The following RSRP1 variants were observed in gnomAD, a reference collection of about 807,000 sequenced individuals.
RSRP1 encodes the protein arginine and serine rich protein 1.
RSRP1 carries 37 observed loss-of-function variants against 33.0 expected under a neutral mutation model. The ratio of observed to expected loss-of-function variants is 1.12; its 90% CI spans 0.86 to 1.48. RSRP1 has a LOEUF of 1.48. Among genes scored for constraint, RSRP1 ranks in the 40% most tolerant of loss-of-function variants. The pLI is 0.00. For missense variants in RSRP1, 402 were observed against 385.3 expected, an observed-to-expected ratio of 1.04 and a Z score of -0.36; for synonymous variants, 167 against 158.7, an observed-to-expected ratio of 1.05 and a Z score of -0.40.
rs536307509 is a variant in RSRP1, at chr1:25,265,438, C to T, written c.-66-18409G>A. 1.0e-3 allele frequency among the ~76,000 whole-genome samples: 103 copies of T among 98,824 alleles called. 11 individuals carry two copies. Among genetic ancestry groups the T allele is most frequent in the African/African-American group, 3.3e-3 (95 of 28,696 alleles). 64.8% of individuals were successfully genotyped at this position (98,824 alleles called of 152,430 possible). A position where few individuals can be genotyped will look rare whatever the true frequency, so the allele number is the denominator to read the frequency against. Reference sequence around the variant, plus strand: ...TGCACATGCATGTGTATGTGTTTTACGATAGTAGGCCCAACAGATACTGTA... The same window carrying T: ...TGCACATGCATGTGTATGTGTTTTATGATAGTAGGCCCAACAGATACTGTA... On this transcript the variant is annotated intron_variant, in intron 1 of 1. Coordinates refer to the RSRP1 transcript ENST00000561867.
chr1:25,285,727 G>C lies in RSRP1; in HGVS notation c.-66-38698C>G, dbSNP rs910719788. ...CATCAAGCTATACACGTTTTAAAAGGGCATTGGCACTTAATAGGAGGAAGT... is the reference window on the plus strand; with the variant it reads ...CATCAAGCTATACACGTTTTAAAAGCGCATTGGCACTTAATAGGAGGAAGT... On this transcript the variant is annotated intron_variant, in intron 1 of 1. Coordinates refer to the RSRP1 transcript ENST00000561867. Among the ~76,000 whole-genome samples the C allele has an allele frequency of 4.4e-5, 6 of 135,100 alleles. 1 individual carries two copies. The highest frequency in any genetic ancestry group is 1.5e-4 in the African/African-American group (6 of 39,052). 88.6% of individuals were successfully genotyped at this position (135,100 alleles called of 152,430 possible).
Position 25,285,095 on chromosome 1 carries a change from CAGAG to C in RSRP1, c.-66-38070_-66-38067del, listed in dbSNP as rs1368609866. Among the ~76,000 whole-genome samples, 21 of 132,336 alleles carry C rather than the reference CAGAG, an allele frequency of 1.6e-4. 6 individuals carry two copies. Among genetic ancestry groups the C allele is most frequent in the Admixed American group, 4.4e-4 (6 of 13,770 alleles). 86.8% of individuals were successfully genotyped at this position (132,336 alleles called of 152,430 possible). A position where few individuals can be genotyped will look rare whatever the true frequency, so the allele number is the denominator to read the frequency against. Reference sequence around the variant, plus strand: ...AAACGTAAGAAGGAAACACGTTAGACAGAGAGAAATAGACATGCCACACCTAGAG... The same window carrying C: ...AAACGTAAGAAGGAAACACGTTAGACAGAAATAGACATGCCACACCTAGAG... On this transcript the variant is annotated intron_variant, in intron 1 of 1. Coordinates refer to the RSRP1 transcript ENST00000561867.
chr1:25,251,885 CAT>C (rs948928828), upstream of RSRP1, among the ~76,000 whole-genome samples: 1 of 151,252 alleles, frequency 6.6e-6, no homozygotes, highest in Non-Finnish European at 1.5e-5. Context: ...AATATACCCA[CAT>C]ATAGATTTTT....
chr1:25,272,561 A>C (rs1571556644), intron 1 of RSRP1: 1 of 1,581,358 alleles, frequency 6.3e-7, no homozygotes, highest in Non-Finnish European at 8.6e-7. Flanking sequence ...AGCTCTAAGT[A>C]CCCGCGGTCT....
At chr1:25,323,455 A>G (rs201200089) in intron 1 of RSRP1, among the ~76,000 whole-genome samples, 1,832 of 112,016 alleles carry the variant, frequency 0.016, 89 homozygotes, top group South Asian at 0.028. Context: ...TAAGGTTTGC[A>G]TTTTCTGTAA....
At position 25,304,997 on chromosome 1, in the gene RSRP1, A is replaced by G. The variant is rs1362345530; in HGVS notation, c.-67+32981T>C. 4.5e-5 allele frequency among the ~76,000 whole-genome samples: 6 copies of G among 132,292 alleles called. 1 individual carries two copies. The highest frequency in any genetic ancestry group is 1.6e-4 in the African/African-American group (6 of 38,362). 86.8% of individuals were successfully genotyped at this position (132,292 alleles called of 152,430 possible). On this transcript the variant is annotated intron_variant, in intron 1 of 1. Coordinates refer to the RSRP1 transcript ENST00000561867. The stretch of plus-strand genomic sequence containing the variant: ...CATTCATCATTCCTTCATTCAACAC[A>G]TACGTTTTAACACTCATCTTGCTTT...
At chr1:25,250,833 A>T (rs1571528442), upstream of RSRP1, among the ~76,000 whole-genome samples, 3 of 151,994 alleles carry the variant, frequency 2.0e-5, no homozygotes, top group South Asian at 6.2e-4. Context: ...ACTTGGTGAA[A>T]CCCCATCTCT....
chr1:25,261,090 G>A (rs540098370), intron 1 of RSRP1, among the ~76,000 whole-genome samples: 3 of 152,060 alleles, frequency 2.0e-5, no homozygotes, highest in South Asian at 2.1e-4. Flanking sequence ...GTGAGCCACC[G>A]CACCCGGCCT....
chr1:25,286,793 AAAAAC>A (rs1295553262), intron 1 of RSRP1, among the ~76,000 whole-genome samples: 1 of 132,100 alleles, frequency 7.6e-6, no homozygotes, highest in East Asian at 1.9e-4. Context: ...CTCAAAAAAA[AAAAAC>A]AAAAACAGTT....
At chr1:25,261,317 C>T (rs890914744) in intron 1 of RSRP1, among the ~76,000 whole-genome samples, 53 of 152,124 alleles carry the variant, frequency 3.5e-4, no homozygotes, top group African/African-American at 1.2e-3. Context: ...TGATTACTGT[C>T]CTTATGCATA....
In RSRP1 at chr1:25,274,498, C is replaced by T. The variant is rs377380848; in HGVS notation, c.-66-27469G>A. 3.1e-4 allele frequency among the ~76,000 whole-genome samples: 41 copies of T among 132,562 alleles called. 6 individuals are homozygous for T. The highest frequency in any genetic ancestry group is 7.7e-4 in the African/African-American group (30 of 38,952). The allele number at this position is 132,562 out of a possible 152,430, so 87.0% of individuals were successfully genotyped here. On this transcript the variant is annotated intron_variant, in intron 1 of 1. Transcript: ENST00000561867. ...AATGTCCTCAGAAACTCACTTTATA[C>T]GGAAGCTCAGAGGAGGGTCCACAAC...
chr1:25,309,304 TCA>T (rs1644017712), intron 1 of RSRP1, among the ~76,000 whole-genome samples: 1 of 131,502 alleles, frequency 7.6e-6, no homozygotes, highest in African/African-American at 2.6e-5. Flanking sequence ...TTTTCAATTC[TCA>T]GTCCTTTGAT....
At chr1:25,313,884 T>C (rs1222877511) in intron 1 of RSRP1, among the ~76,000 whole-genome samples, 1 of 133,080 alleles carries the variant, frequency 7.5e-6, no homozygotes, top group Admixed American at 7.3e-5. Context: ...GGCCCTGTCA[T>C]AAATGAATGC....
chr1:25,301,582 G>A lies in RSRP1; in HGVS notation c.-67+36396C>T, dbSNP rs1053359. On this transcript the variant is annotated intron_variant, in intron 1 of 1. Transcript: ENST00000561867. ...CTCTGCTCTGCTGAGAAGTCCAATCGAAAGGAAGAATGCCGTGTTCAACAC... is the reference window on the plus strand; with the variant it reads ...CTCTGCTCTGCTGAGAAGTCCAATCAAAAGGAAGAATGCCGTGTTCAACAC... The A allele has an allele frequency of 5.7e-5, 78 of 1,379,404 alleles. 15 individuals are homozygous for A. In the African/African-American group the frequency reaches 9.4e-4, roughly 17 times the overall value. 85.4% of individuals were successfully genotyped at this position (1,379,404 alleles called of 1,614,324 possible). A position where few individuals can be genotyped will look rare whatever the true frequency, so the allele number is the denominator to read the frequency against.
At chr1:25,258,520 C>G (rs1414346012) in intron 1 of RSRP1, among the ~76,000 whole-genome samples, 1 of 152,098 alleles carries the variant, frequency 6.6e-6, no homozygotes, top group Non-Finnish European at 1.5e-5. Flanking sequence ...TTTTGGAAGA[C>G]CCTGTCATTG....
At chr1:25,270,073 A>C (rs1259663058) in intron 1 of RSRP1, among the ~76,000 whole-genome samples, 1 of 131,832 alleles carries the variant, frequency 7.6e-6, no homozygotes, top group Non-Finnish European at 1.8e-5. Flanking sequence ...GGTCACATCC[A>C]TTTATCCCAC....
At chr1:25,259,973 C>T (rs1222609977) in intron 1 of RSRP1, among the ~76,000 whole-genome samples, 4 of 151,958 alleles carry the variant, frequency 2.6e-5, no homozygotes, top group South Asian at 4.2e-4. Flanking sequence ...AAGGCTGATA[C>T]GACAGCTCTC....
chr1:25,337,746 C>CT (rs1334588328), intron 1 of RSRP1: 4 of 151,154 alleles, frequency 2.6e-5, no homozygotes, highest in Non-Finnish European at 5.9e-5. Context: ...GCTGAGAAAC[C>CT]CTGCCTTAAA....
intron 1 of RSRP1, chr1:25,303,463 A>G (rs757864767): frequency 1.5e-6 from 2 of 1,378,900 alleles, no homozygotes; most frequent in East Asian, 2.2e-5. Flanking sequence ...CCTGCCGGTA[A>G]GAAACTAGAC....
Sources: allele counts gnomAD v4.1 joint callset (sites outside exome capture counted in the v4.1 genomes callset), GRCh38; gene constraint gnomAD v4.1.1; transcripts MANE v1.5; gene names NCBI Gene and HGNC (gene_info 2026-07-23, HGNC 2026-07-21).